Variants in NCEH1 observed in about 807,000 individuals in gnomAD.
The protein encoded by NCEH1 is neutral cholesterol ester hydrolase 1.
Under a neutral mutation model 25.4 loss-of-function variants are expected in NCEH1, and 9 were observed. That is an observed-to-expected ratio of 0.35 (90% confidence interval 0.21 to 0.62). The LOEUF is 0.62. Among genes scored for constraint, NCEH1 ranks in the 20% least tolerant of loss-of-function variants. The pLI, the probability that NCEH1 is intolerant of heterozygous loss-of-function variation, is 0.72. For missense variants in NCEH1, 412 were observed against 501.1 expected, an observed-to-expected ratio of 0.82 and a Z score of 1.70; for synonymous variants, 200 against 199.8, an observed-to-expected ratio of 1.00 and a Z score of -0.01.
In NCEH1 at chr3:172,633,395, G is replaced by A. The variant is rs868698120; in HGVS notation, c.*80C>T. 19 of 1,328,904 alleles carry A rather than the reference G, an allele frequency of 1.4e-5. No homozygotes were observed. The Middle Eastern group carries it at 2.4e-3, about 167-fold the overall frequency. The allele number at this position is 1,328,904 out of a possible 1,614,324, so 82.3% of individuals were successfully genotyped here. On this transcript the variant is annotated 3_prime_UTR_variant, in exon 5 of 5. Coordinates refer to ENST00000475381, the MANE Select transcript of NCEH1 (RefSeq NM_020792.6). ...TAGAGGGGAATGGGAGGAAGAATTA[G>A]TCAACTAAAAAGTGCATGTCTTTCC...
At chr3:172,656,889 T>C (rs1468085104) in intron 1 of NCEH1, among the ~76,000 whole-genome samples, 6 of 152,148 alleles carry the variant, frequency 3.9e-5, no homozygotes, top group African/African-American at 1.4e-4. Flanking sequence ...CTGACCCCAA[T>C]GCCAATGCCG....
chr3:172,690,813 T>TAC (rs1407371234), intron 1 of NCEH1, among the ~76,000 whole-genome samples: 1 of 152,162 alleles, frequency 6.6e-6, no homozygotes, highest in African/African-American at 2.4e-5. Flanking sequence ...AAACAAAACA[T>TAC]ACACAAAAAG....
chr3:172,667,786 G>A (rs1162065751), intron 1 of NCEH1, among the ~76,000 whole-genome samples: 1 of 152,100 alleles, frequency 6.6e-6, no homozygotes, highest in Non-Finnish European at 1.5e-5. Flanking sequence ...TTAACCTAAG[G>A]ACTTTAAAGA....
chr3:172,666,479 C>T (rs981936965), intron 1 of NCEH1, among the ~76,000 whole-genome samples: 1 of 152,172 alleles, frequency 6.6e-6, no homozygotes, highest in African/African-American at 2.4e-5. Flanking sequence ...TTGTTCTAAT[C>T]CCCCCTCCCT....
intron 1 of NCEH1, among the ~76,000 whole-genome samples, chr3:172,676,517 G>A (rs934393229): frequency 1.3e-5 from 2 of 152,010 alleles, no homozygotes; most frequent in African/African-American, 4.8e-5. Flanking sequence ...CCAATCCCCT[G>A]GGCCCTATGC....
At chr3:172,654,788 A>G (rs2108501797) in intron 1 of NCEH1, among the ~76,000 whole-genome samples, 1 of 152,356 alleles carries the variant, frequency 6.6e-6, no homozygotes, top group Non-Finnish European at 1.5e-5. Flanking sequence ...ATTCTATGTC[A>G]GTGACTCTCC....
intron 1 of NCEH1, among the ~76,000 whole-genome samples, chr3:172,661,165 G>A (rs1460408812): frequency 6.6e-6 from 1 of 152,166 alleles, no homozygotes; most frequent in South Asian, 2.1e-4. Flanking sequence ...ATGTAAGGAA[G>A]GGATCCAGTT....
intron 1 of NCEH1, among the ~76,000 whole-genome samples, chr3:172,694,117 C>T (rs186345235): frequency 1.3e-5 from 2 of 152,282 alleles, no homozygotes; most frequent in Non-Finnish European, 2.9e-5. Context: ...TGATCTCAAA[C>T]TCCTGGGCTC....
At chr3:172,638,101 G>A (rs1463687259) in intron 3 of NCEH1, among the ~76,000 whole-genome samples, 1 of 151,978 alleles carries the variant, frequency 6.6e-6, no homozygotes, top group African/African-American at 2.4e-5. Context: ...AAAATCAAAT[G>A]GACAAATGTT....
intron 1 of NCEH1, among the ~76,000 whole-genome samples, chr3:172,701,418 C>T (rs1473925644): frequency 6.7e-6 from 1 of 149,136 alleles, no homozygotes; most frequent in East Asian, 1.9e-4. Flanking sequence ...ATGCTCTCAC[C>T]TGGATTAGTG....
chr3:172,701,449 C>CATTTTTTTTTT (rs1713673746), intron 1 of NCEH1, among the ~76,000 whole-genome samples: 1 of 110,940 alleles, frequency 9.0e-6, no homozygotes, highest in Non-Finnish European at 1.7e-5. Context: ...GGTCTTTTGC[C>CATTTTTTTTTT]TTTTTTTTTT....
At position 172,630,414 on chromosome 3, in the gene NCEH1, CTG is replaced by C. The variant is rs1221493068; in HGVS notation, c.*3059_*3060del. On this transcript the variant is annotated 3_prime_UTR_variant, in exon 5 of 5. Coordinates refer to ENST00000475381, the MANE Select transcript of NCEH1 (RefSeq NM_020792.6). ...GTCCCAAAATAGTCCCAGGGCCTGCCTGGCTTTTATGAATATTCTAGCCAGTC... is the reference window on the plus strand; with the variant it reads ...GTCCCAAAATAGTCCCAGGGCCTGCCGCTTTTATGAATATTCTAGCCAGTC... 4 of 152,200 alleles carry C rather than the reference CTG, an allele frequency of 2.6e-5. No homozygotes were observed. The highest frequency in any genetic ancestry group is 9.7e-5 in the African/African-American group (4 of 41,442). The allele number at this position is 152,200 out of a possible 1,614,324, so 9.4% of individuals were successfully genotyped here.
intron 1 of NCEH1, among the ~76,000 whole-genome samples, chr3:172,691,399 C>A (rs1194531828): frequency 7.7e-5 from 1 of 13,030 alleles, no homozygotes; most frequent in Non-Finnish European, 1.3e-4. Context: ...TTAGCATACA[C>A]CTCTTACATA....
At chr3:172,687,013 T>C (rs1469796820) in intron 1 of NCEH1, among the ~76,000 whole-genome samples, 1 of 152,194 alleles carries the variant, frequency 6.6e-6, no homozygotes, top group Non-Finnish European at 1.5e-5. Context: ...CTTTTCTGTT[T>C]GGGCATCTCC....
intron 1 of NCEH1, chr3:172,681,336 T>C (rs1712363911): frequency 6.6e-6 from 1 of 152,164 alleles, no homozygotes; most frequent in Non-Finnish European, 1.5e-5. Context: ...AAATACAATA[T>C]AAACCTATTC....
At chr3:172,679,881 C>T (rs1401943625) in intron 1 of NCEH1, among the ~76,000 whole-genome samples, 1 of 152,072 alleles carries the variant, frequency 6.6e-6, no homozygotes, top group African/African-American at 2.4e-5. Context: ...TTTTACAGGG[C>T]TAAGGTGGGA....
chr3:172,706,027 A>AC (rs1432872043), intron 1 of NCEH1, among the ~76,000 whole-genome samples: 1 of 151,486 alleles, frequency 6.6e-6, no homozygotes, highest in Non-Finnish European at 1.5e-5. Flanking sequence ...AAAAAAAAAA[A>AC]AAAAACCCAT....
chr3:172,687,762 G>C (rs868159974), intron 1 of NCEH1, among the ~76,000 whole-genome samples: 1 of 152,154 alleles, frequency 6.6e-6, no homozygotes, highest in Non-Finnish European at 1.5e-5. Context: ...TGAAATACCT[G>C]TAATTTTCGG....
In NCEH1 at chr3:172,658,840, CTTTTTTTTTTT is replaced by C. The variant is rs33955977; in HGVS notation, c.139-10737_139-10727del. Among the ~76,000 whole-genome samples the C allele has an allele frequency of 5.0e-4, 37 of 74,220 alleles. 4 individuals carry two copies. Among genetic ancestry groups the C allele is most frequent in the Admixed American group, 3.1e-3 (18 of 5,720 alleles). 48.7% of individuals were successfully genotyped at this position (74,220 alleles called of 152,430 possible). On this transcript the variant is annotated intron_variant, in intron 1 of 4. Coordinates refer to ENST00000475381, the MANE Select transcript of NCEH1 (RefSeq NM_020792.6). Reference sequence around the variant, plus strand: ...AGGTTGTCTCTTTCCAATTCCAAAACTTTTTTTTTTTTTTTTTTTTTTTTTTTTTACTATCA... The same window carrying C: ...AGGTTGTCTCTTTCCAATTCCAAAACTTTTTTTTTTTTTTTTTTACTATCA...
Sources: allele counts gnomAD v4.1 joint callset (sites outside exome capture counted in the v4.1 genomes callset), GRCh38; gene constraint gnomAD v4.1.1; transcripts MANE v1.5; gene names NCBI Gene and HGNC (gene_info 2026-07-23, HGNC 2026-07-21).